EXT2: variants seen among roughly 807,000 people sequenced by gnomAD.
EXT2 encodes exostosin-2.
EXT2 carries 53 observed loss-of-function variants against 81.6 expected under a neutral mutation model. That is an observed-to-expected ratio of 0.65 (90% CI 0.52 to 0.82). The LOEUF is 0.82. EXT2 is among the 40% of genes least tolerant of loss of function. The pLI is 0.00. For synonymous variants in EXT2, 320 were observed against 340.0 expected (o/e 0.94, Z 0.65); for missense variants, 774 against 910.2 (o/e 0.85, Z 1.93).
At chr11:44,168,924 T>C (rs972487793) in intron 7 of EXT2, among the ~76,000 whole-genome samples, 4 of 152,204 alleles carry the variant, frequency 2.6e-5, no homozygotes, top group Admixed American at 2.0e-4. Flanking sequence ...AAATTTACTT[T>C]AAAAAATAAT....
chr11:44,203,958 A>G (rs531640561), intron 9 of EXT2, among the ~76,000 whole-genome samples: 181 of 152,330 alleles, frequency 1.2e-3, no homozygotes, highest in Admixed American at 2.1e-3. Flanking sequence ...CAATAAAGTG[A>G]TAAGTGGCAC....
rs1316744674 is a variant in EXT2, at chr11:44,247,241, TC to T, written c.*2956del. Among the ~76,000 whole-genome samples, 1 of 130,840 alleles carries T rather than the reference TC, an allele frequency of 7.6e-6. No individual in the cohort carries two copies. The allele number at this position is 130,840 out of a possible 152,430, so 85.8% of individuals were successfully genotyped here. On this transcript the variant is annotated 3_prime_UTR_variant, in exon 14 of 14. Transcript: ENST00000533608. ...TTCCTGCCAGTGATGCTCTGCTGTATCCTTTTTTTTTTTTTTTTTTTTGAGA... is the reference window on the plus strand; with the variant it reads ...TTCCTGCCAGTGATGCTCTGCTGTATCTTTTTTTTTTTTTTTTTTTTGAGA...
rs976471313 is a variant in EXT2, at chr11:44,097,709, A to G, written c.-31+1857A>G. Among the ~76,000 whole-genome samples the G allele has an allele frequency of 2.0e-5, 3 of 151,070 alleles. No homozygotes were observed. In the East Asian group the frequency reaches 5.9e-4, roughly 30 times the overall value. The stretch of plus-strand genomic sequence containing the variant: ...GGGAGGCTGAGGTTGTAGTGAGTTG[A>G]GATTGTGCCACTGCACTCCAGCCTG... On this transcript the variant is annotated intron_variant, in intron 1 of 13. Coordinates refer to ENST00000533608, the MANE Select transcript of EXT2 (RefSeq NM_207122.2).
chr11:44,133,921 A>C (rs1246198729), intron 7 of EXT2, among the ~76,000 whole-genome samples: 1 of 152,234 alleles, frequency 6.6e-6, no homozygotes, highest in East Asian at 1.9e-4. Flanking sequence ...AAGTCATACT[A>C]CCTGACAAAG....
intron 7 of EXT2, among the ~76,000 whole-genome samples, chr11:44,149,356 T>C (rs754108232): frequency 6.6e-6 from 1 of 152,222 alleles, no homozygotes; most frequent in Non-Finnish European, 1.5e-5. Context: ...AGCAAGACTC[T>C]GTCTTAAAAA....
chr11:44,143,302 C>T (rs1394320407), intron 7 of EXT2, among the ~76,000 whole-genome samples: 1 of 152,196 alleles, frequency 6.6e-6, no homozygotes, highest in African/African-American at 2.4e-5. Flanking sequence ...GTTCAACTGT[C>T]TAATCTTCTC....
chr11:44,133,013 G>C (rs1351015100), intron 7 of EXT2, among the ~76,000 whole-genome samples: 1 of 152,146 alleles, frequency 6.6e-6, no homozygotes, highest in East Asian at 1.9e-4. Flanking sequence ...ACTACTACTA[G>C]ATTCCAATAG....
chr11:44,172,367 A>G (rs1415304858), intron 8 of EXT2, among the ~76,000 whole-genome samples: 1 of 152,288 alleles, frequency 6.6e-6, no homozygotes, highest in East Asian at 1.9e-4. Context: ...AAACTGTGGC[A>G]GTGGCTTCTA....
chr11:44,106,274 C>T (rs1954053016), intron 1 of EXT2, among the ~76,000 whole-genome samples: 1 of 152,164 alleles, frequency 6.6e-6, no homozygotes, highest in Non-Finnish European at 1.5e-5. Flanking sequence ...GAATCTACCA[C>T]ATTGGCCCTT....
chr11:44,155,445 G>A (rs1954844072), intron 7 of EXT2, among the ~76,000 whole-genome samples: 1 of 151,720 alleles, frequency 6.6e-6, no homozygotes, highest in South Asian at 2.1e-4. Context: ...TTCTCTGGTA[G>A]TATGATTTAA....
chr11:44,140,560 A>G (rs1954632135), intron 7 of EXT2, among the ~76,000 whole-genome samples: 1 of 152,300 alleles, frequency 6.6e-6, no homozygotes, highest in South Asian at 2.1e-4. Context: ...GATCAAGGCC[A>G]GTGGTTTGAT....
chr11:44,200,294 C>A (rs369615163), intron 9 of EXT2, among the ~76,000 whole-genome samples: 1 of 151,536 alleles, frequency 6.6e-6, no homozygotes, highest in Non-Finnish European at 1.5e-5. Context: ...AATCTACCCC[C>A]CTTCCCACTT....
chr11:44,203,575 G>C (rs1007892313), intron 9 of EXT2, among the ~76,000 whole-genome samples: 6 of 152,184 alleles, frequency 3.9e-5, no homozygotes, highest in Admixed American at 6.5e-5. Flanking sequence ...TGGCTGAGTT[G>C]CTGGTGGGGC....
chr11:44,173,913 T>G (rs917348176), intron 8 of EXT2, among the ~76,000 whole-genome samples: 6 of 152,192 alleles, frequency 3.9e-5, no homozygotes, highest in African/African-American at 7.2e-5. Context: ...TTTCATATGT[T>G]TACACATAAA....
intron 12 of EXT2, among the ~76,000 whole-genome samples, chr11:44,236,088 C>A (rs1409529183): frequency 2.0e-5 from 3 of 152,160 alleles, no homozygotes; most frequent in African/African-American, 7.2e-5. Context: ...GCCCTCCAAG[C>A]CTTTTTTATT....
intron 3 of EXT2, among the ~76,000 whole-genome samples, chr11:44,112,501 T>C (rs541243801): frequency 1.3e-5 from 2 of 152,294 alleles, no homozygotes; most frequent in African/African-American, 4.8e-5. Flanking sequence ...ATGTAAACCA[T>C]GTGTTCTGTA....
chr11:44,161,880 G>A (rs1009950773), intron 7 of EXT2, among the ~76,000 whole-genome samples: 2 of 152,080 alleles, frequency 1.3e-5, no homozygotes, highest in African/African-American at 2.4e-5. Context: ...AGAAAACATC[G>A]GATAAACCCA....
intron 8 of EXT2, among the ~76,000 whole-genome samples, chr11:44,172,157 C>T (rs1316444607): frequency 6.6e-6 from 1 of 152,188 alleles, no homozygotes; most frequent in Non-Finnish European, 1.5e-5. Flanking sequence ...CGTGTATTAC[C>T]TCAATTAATA....
chr11:44,101,804 G>A (rs1435436132), intron 1 of EXT2, among the ~76,000 whole-genome samples: 1 of 152,166 alleles, frequency 6.6e-6, no homozygotes, highest in African/African-American at 2.4e-5. Context: ...AATCATCAGA[G>A]ACAAGGTAGA....
Sources: allele counts gnomAD v4.1 joint callset (sites outside exome capture counted in the v4.1 genomes callset), GRCh38; gene constraint gnomAD v4.1.1; transcripts MANE v1.5; gene names NCBI Gene and HGNC (gene_info 2026-07-23, HGNC 2026-07-21).